BRD1: variants seen among roughly 807,000 people sequenced by gnomAD.
BRD1 encodes bromodomain containing 1.
In BRD1, 24 loss-of-function variants were observed where a neutral mutation model predicts 107.7. The observed-to-expected ratio is 0.22, with a 90% confidence interval of 0.16 to 0.31. The LOEUF (loss-of-function observed/expected upper bound fraction) is 0.31, where lower values mean the gene tolerates loss of function less well. BRD1 is among the 10% of genes least tolerant of loss of function. The probability of loss-of-function intolerance (pLI) is 1.00; values close to 1 mark genes in which losing one functional copy is unlikely to be tolerated. For missense variants in BRD1, 1,279 were observed against 1,638.6 expected, an observed-to-expected ratio of 0.78 and a Z score of 3.79; for synonymous variants, 744 against 686.1, an observed-to-expected ratio of 1.08 and a Z score of -1.32.
chr22:49,774,229 G>A lies in BRD1; in HGVS notation c.*4C>T, dbSNP rs1256691348. 2 of 1,611,602 alleles carry A rather than the reference G, an allele frequency of 1.2e-6. No homozygotes were observed. Among genetic ancestry groups the A allele is most frequent in the Non-Finnish European group, 8.5e-7 (1 of 1,178,502 alleles). ...GGACAAGACCCGCGCTGGCGGCCGG[G>A]CCGTCAGTCAATGTCACTGAGGTCG... On this transcript the variant is annotated 3_prime_UTR_variant, in exon 13 of 13. Transcript: ENST00000404760.
chr22:49,813,724 C>T (rs1336254722), intron 2 of BRD1, among the ~76,000 whole-genome samples: 1 of 151,366 alleles, frequency 6.6e-6, no homozygotes, highest in Non-Finnish European at 1.5e-5. Context: ...GCCAGTTACT[C>T]GGGAAGCTGA....
chr22:49,817,351 T>C (rs1485184079), intron 2 of BRD1: 1 of 192,664 alleles, frequency 5.2e-6, no homozygotes, highest in Non-Finnish European at 1.1e-5. Flanking sequence ...ACTTTCTTCA[T>C]GTGAGATAGT....
chr22:49,778,392 G>A (rs986779053), intron 8 of BRD1, among the ~76,000 whole-genome samples: 7 of 152,214 alleles, frequency 4.6e-5, no homozygotes, highest in Admixed American at 2.0e-4. Flanking sequence ...CGGGGCCATC[G>A]CCGTGTCTGA....
chr22:49,825,068 C>A (rs1023257298), intron 1 of BRD1, among the ~76,000 whole-genome samples: 2 of 152,164 alleles, frequency 1.3e-5, no homozygotes, highest in Non-Finnish European at 2.9e-5. Context: ...GCAGTGACCA[C>A]CATGGAAACC....
intron 2 of BRD1, among the ~76,000 whole-genome samples, chr22:49,810,556 A>G (rs1275045009): frequency 6.6e-6 from 1 of 152,230 alleles, no homozygotes; most frequent in African/African-American, 2.4e-5. Flanking sequence ...CAGAATGAAG[A>G]GAAAGTATTT....
At position 49,779,844 on chromosome 22, in the gene BRD1, G is replaced by A. The variant is rs1008033988; in HGVS notation, c.2858-2031C>T. On this transcript the variant is annotated intron_variant, in intron 8 of 12. Transcript: ENST00000404760. Reference sequence around the variant, plus strand: ...CACCCAGCTCGCATCAGCAGTGGACGGACGGAGCCCAGCACCCCTGCCAGC... The same window carrying A: ...CACCCAGCTCGCATCAGCAGTGGACAGACGGAGCCCAGCACCCCTGCCAGC... Among the ~76,000 whole-genome samples, 8 of 152,176 alleles carry A rather than the reference G, an allele frequency of 5.3e-5. No individual in the cohort carries two copies. In the East Asian group the frequency reaches 5.8e-4, roughly 11 times the overall value.
intron 2 of BRD1, among the ~76,000 whole-genome samples, chr22:49,815,831 C>G (rs2059940119): frequency 6.6e-6 from 1 of 152,242 alleles, no homozygotes; most frequent in Admixed American, 6.5e-5. Flanking sequence ...ACCTGCCCTG[C>G]AGCTCCTCCT....
rs1289335726 is a variant in BRD1, at chr22:49,783,278, C to T, written c.2857+4112G>A. Among the ~76,000 whole-genome samples, 1 of 152,214 alleles carries T rather than the reference C, an allele frequency of 6.6e-6. No homozygotes were observed. The highest frequency in any genetic ancestry group is 1.5e-5 in the Non-Finnish European group (1 of 68,046). On this transcript the variant is annotated intron_variant, in intron 8 of 12. Transcript: ENST00000404760. This position sits in a 1 kb window ranked among gnomAD's most constrained non-coding sequence, Gnocchi z 4.2. ...GCCGCAGGGGCACTCAGCGTGGTGA[C>T]CAGCAAGAGACAAACAGCAGCACTG... is the stretch of plus-strand genomic sequence containing the variant.
At chr22:49,812,207 G>C (rs1199115350) in intron 2 of BRD1, among the ~76,000 whole-genome samples, 1 of 150,586 alleles carries the variant, frequency 6.6e-6, no homozygotes, top group Non-Finnish European at 1.5e-5. Context: ...GGGTTCAAGT[G>C]GGAGACTGAG....
At chr22:49,813,413 G>A (rs888732325) in intron 2 of BRD1, among the ~76,000 whole-genome samples, 1 of 151,610 alleles carries the variant, frequency 6.6e-6, no homozygotes, top group African/African-American at 2.4e-5. Context: ...TAGTAGAGAC[G>A]GGGTTTCACC....
At position 49,798,930 on chromosome 22, in the gene BRD1, G is replaced by A. The variant is rs899681287; in HGVS notation, c.1656+58C>T. On this transcript the variant is annotated intron_variant, in intron 4 of 12. Coordinates refer to ENST00000404760, the MANE Select transcript of BRD1 (RefSeq NM_001304808.3). ...CCCACCCTCTGCAGGAGCTGCCAGC[G>A]TCCCACCCACGCCCCGTGGCCAGTG... is the stretch of plus-strand genomic sequence containing the variant. 2.9e-5 allele frequency: 45 copies of A among 1,539,934 alleles called. No homozygotes were observed. The South Asian group carries it at 4.2e-4, about 14-fold the overall frequency.
chr22:49,774,334 A>C lies in BRD1; in HGVS notation c.3469T>G (p.Ser1157Ala). Residue 1157 changes from serine to alanine, a missense_variant, in exon 13 of 13, where the codon TCC becomes GCC. By Grantham distance (99) the Ser-to-Ala change is moderately conservative. Coordinates refer to ENST00000404760, the MANE Select transcript of BRD1 (RefSeq NM_001304808.3). Reference sequence around the variant, plus strand: ...ATCCGCACGGCCTTCCGGATGCTGGAATTCCTCCCTTCCATCATCTTTAAC... The same window carrying C: ...ATCCGCACGGCCTTCCGGATGCTGGCATTCCTCCCTTCCATCATCTTTAAC... ...DKLKMMEGRN[S>A]SIRKAVRIAF... is the part of the protein sequence containing the mutation. The C allele has an allele frequency of 1.9e-6, 3 of 1,614,172 alleles. No individual in the cohort carries two copies. The highest frequency in any genetic ancestry group is 2.5e-6 in the Non-Finnish European group (3 of 1,180,020).
Position 49,797,840 on chromosome 22 carries a change from G to A in BRD1, c.2063C>T (p.Ala688Val). The A allele has an allele frequency of 6.2e-7, 1 of 1,608,522 alleles. No individual in the cohort carries two copies. The highest frequency in any genetic ancestry group is 8.5e-7 in the Non-Finnish European group (1 of 1,177,674). ...ASGMHLPERPAAAPRRPFSWE... is the reference protein window; with the variant it reads ...ASGMHLPERPVAAPRRPFSWE... ...GGAGAAAGGCCGCCGCGGTGCCGCA[G>A]CAGGCCGCTCAGGCAGGTGCATCCC... Residue 688 changes from alanine (A) to valine (V), a missense_variant, in exon 6 of 13, where the codon GCT (alanine) becomes GTT (valine). By Grantham distance (64) the Ala-to-Val change is moderately conservative. Around this residue, in one of 7 missense-constraint regions of BRD1, gnomAD observed 406 missense variants for 519.4 expected, o/e 0.78. Coordinates refer to ENST00000404760, the MANE Select transcript of BRD1 (RefSeq NM_001304808.3).
intron 1 of BRD1, chr22:49,826,052 G>A (rs1159305481): frequency 4.0e-6 from 2 of 502,604 alleles, no homozygotes; most frequent in African/African-American, 4.2e-5. Flanking sequence ...GAGCCCTGCA[G>A]AGGTGACACC....
intron 8 of BRD1, among the ~76,000 whole-genome samples, chr22:49,781,313 G>GA (rs1209302134): frequency 6.6e-6 from 1 of 152,210 alleles, no homozygotes; most frequent in African/African-American, 2.4e-5. Flanking sequence ...ACTGTCCCGG[G>GA]AGGTCCCCAA....
At chr22:49,793,980 C>G (rs1423993007) in intron 7 of BRD1, 54 bp downstream of exon 7, 3 of 1,570,062 alleles carry the variant, frequency 1.9e-6, no homozygotes, top group African/African-American at 1.3e-5. Context: ...TGTGCCTGTG[C>G]CTGAGCCTGA....
At chr22:49,814,266 C>T (rs1472104741) in intron 2 of BRD1, among the ~76,000 whole-genome samples, 1 of 152,282 alleles carries the variant, frequency 6.6e-6, no homozygotes, top group African/African-American at 2.4e-5. Context: ...AAACAGTGCA[C>T]AGGCAGGGCA....
At chr22:49,802,734 G>A (rs923396495) in intron 3 of BRD1, among the ~76,000 whole-genome samples, 2 of 152,016 alleles carry the variant, frequency 1.3e-5, no homozygotes, top group Non-Finnish European at 2.9e-5. Context: ...AGAGCTTCCC[G>A]CCGCTCAGCC....
chr22:49,826,844 C>A (rs1244519218), intron 1 of BRD1, among the ~76,000 whole-genome samples: 1 of 152,226 alleles, frequency 6.6e-6, no homozygotes, highest in East Asian at 1.9e-4. Flanking sequence ...GCTACGGATT[C>A]TCAGAACTCC....
Sources: gnomAD v4.1 joint callset for allele counts (sites outside exome capture counted in the v4.1 genomes callset) on GRCh38, gnomAD v4.1.1 for gene constraint, gnomAD v4.1.1 regional missense constraint, Gnocchi (gnomAD v3.1) non-coding constraint, MANE v1.5 for transcripts, NCBI Gene and HGNC (gene_info 2026-07-23, HGNC 2026-07-21) for gene names.